The following KCNQ5 variants were observed in gnomAD, a reference collection of about 807,000 sequenced individuals.
KCNQ5 encodes potassium voltage-gated channel subfamily Q member 5.
A neutral mutation model predicts 98.2 loss-of-function variants in KCNQ5; 30 were observed. The observed-to-expected ratio is 0.31, with a 90% CI of 0.23 to 0.41. The LOEUF is 0.41. KCNQ5 is among the 10% of genes least tolerant of loss of function. KCNQ5 has a pLI of 1.00. For missense variants in KCNQ5, 835 were observed against 1,182.5 expected, an observed-to-expected ratio of 0.71 and a Z score of 4.31; for synonymous variants, 458 against 449.4, an observed-to-expected ratio of 1.02 and a Z score of -0.24.
intron 1 of KCNQ5, among the ~76,000 whole-genome samples, chr6:72,652,535 G>T (rs1284680795): frequency 6.6e-6 from 1 of 151,804 alleles, no homozygotes; most frequent in Non-Finnish European, 1.5e-5. Context: ...AATTGAGCAG[G>T]ATTGAACTGG....
chr6:73,166,276 A>C (rs962211502), intron 10 of KCNQ5, among the ~76,000 whole-genome samples: 16 of 151,896 alleles, frequency 1.1e-4, no homozygotes, highest in Non-Finnish European at 2.4e-4. Context: ...ACTAAAAAAA[A>C]TACAAAAAAA....
At chr6:72,840,100 T>A (rs1776725878) in intron 1 of KCNQ5, among the ~76,000 whole-genome samples, 1 of 152,240 alleles carries the variant, frequency 6.6e-6, no homozygotes, top group African/African-American at 2.4e-5. Context: ...TATCTTTTTT[T>A]AAGGCTGAGT....
intron 1 of KCNQ5, among the ~76,000 whole-genome samples, chr6:72,732,215 T>C (rs1770592050): frequency 6.6e-6 from 1 of 152,092 alleles, no homozygotes; most frequent in Non-Finnish European, 1.5e-5. Context: ...GAGATACTTC[T>C]AGTGTGGAGT....
In KCNQ5 at chr6:73,194,686, A is replaced by G; in HGVS notation, c.2071A>G (p.Ile691Val). The G allele has an allele frequency of 1.9e-6, 3 of 1,614,270 alleles. No individual in the cohort carries two copies. Among genetic ancestry groups the G allele is most frequent in the Non-Finnish European group, 2.5e-6 (3 of 1,180,044 alleles). ...SANISRGLQF[I>V]LTPNEFSAQT... ...CAACATCTCGAGAGGCCTGCAGTTC[A>G]TTCTGACGCCAAATGAGTTCAGTGC... Residue 691 changes from isoleucine to valine, a missense_variant, in exon 14 of 14, where the codon ATT (isoleucine) becomes GTT (valine). Physicochemically the swap from Ile to Val is conservative, Grantham distance 29 (BLOSUM62 3). Around this residue, in one of 10 missense-constraint regions of KCNQ5, gnomAD observed 416 missense variants for 446.9 expected, o/e 0.93. Coordinates refer to ENST00000370398, the MANE Select transcript of KCNQ5 (RefSeq NM_019842.4).
chr6:72,643,759 G>A (rs749193503), intron 1 of KCNQ5, among the ~76,000 whole-genome samples: 2 of 152,130 alleles, frequency 1.3e-5, no homozygotes, highest in Non-Finnish European at 2.9e-5. Context: ...GACAGCCACA[G>A]CTGTTATGTA....
At chr6:72,925,028 A>C (rs1780567530) in intron 1 of KCNQ5, among the ~76,000 whole-genome samples, 1 of 152,186 alleles carries the variant, frequency 6.6e-6, no homozygotes, top group Non-Finnish European at 1.5e-5. Flanking sequence ...AAGATTTATA[A>C]ATCATAAAAA....
At chr6:72,854,242 G>A (rs1777421859) in intron 1 of KCNQ5, among the ~76,000 whole-genome samples, 2 of 148,956 alleles carry the variant, frequency 1.3e-5, no homozygotes, top group Non-Finnish European at 3.0e-5. Flanking sequence ...TTAGAAAAGG[G>A]GGGAAATAGA....
chr6:72,948,573 T>C (rs1385173341), intron 1 of KCNQ5, among the ~76,000 whole-genome samples: 1 of 152,120 alleles, frequency 6.6e-6, no homozygotes, highest in Non-Finnish European at 1.5e-5. Context: ...AAAGTGGACA[T>C]TGATTTTATA....
chr6:72,648,504 A>G (rs994368582), intron 1 of KCNQ5, among the ~76,000 whole-genome samples: 1 of 152,144 alleles, frequency 6.6e-6, no homozygotes, highest in Admixed American at 6.6e-5. Flanking sequence ...ACATTTTTAT[A>G]GTGTGAGACG....
At chr6:72,660,674 A>G (rs897860446) in intron 1 of KCNQ5, among the ~76,000 whole-genome samples, 19 of 152,282 alleles carry the variant, frequency 1.2e-4, no homozygotes, top group Middle Eastern at 6.8e-3. Flanking sequence ...AAATTCTACT[A>G]TTGATGTCCT....
At chr6:72,823,953 A>G (rs1386227788) in intron 1 of KCNQ5, among the ~76,000 whole-genome samples, 1 of 152,180 alleles carries the variant, frequency 6.6e-6, no homozygotes, top group Admixed American at 6.6e-5. Context: ...CATAGTAAAC[A>G]CATATGTAAA....
intron 10 of KCNQ5, among the ~76,000 whole-genome samples, chr6:73,164,240 T>C (rs1383492943): frequency 6.6e-6 from 1 of 152,118 alleles, no homozygotes. Flanking sequence ...TTGGTGTACT[T>C]ATGAAGCAGA....
intron 1 of KCNQ5, among the ~76,000 whole-genome samples, chr6:72,713,501 T>C (rs1209059278): frequency 6.6e-6 from 1 of 152,196 alleles, no homozygotes; most frequent in Middle Eastern, 3.2e-3. Flanking sequence ...TCTTGGTTCA[T>C]AGAATGATTT....
intron 2 of KCNQ5, among the ~76,000 whole-genome samples, chr6:73,038,825 TTGTC>T (rs146648740): frequency 0.026 from 3,987 of 152,178 alleles, 87 homozygotes; most frequent in East Asian, 0.1. Context: ...TTTATTGTCT[TTGTC>T]TGGTTTTGGT....
Position 72,839,574 on chromosome 6 carries a change from G to C in KCNQ5, c.399-164334G>C, listed in dbSNP as rs139766110. 6.4e-3 allele frequency among the ~76,000 whole-genome samples: 971 copies of C among 152,226 alleles called. 14 individuals carry two copies. Among genetic ancestry groups the C allele is most frequent in the African/African-American group, 0.021 (864 of 41,520 alleles). On this transcript the variant is annotated intron_variant, in intron 1 of 13. Transcript: ENST00000370398. Reference sequence around the variant, plus strand: ...TTTTGCTTTAAAAGACAATTATCTTGGTTAGACTCAAACTGTGAACCATCT... The same window carrying C: ...TTTTGCTTTAAAAGACAATTATCTTCGTTAGACTCAAACTGTGAACCATCT...
intron 1 of KCNQ5, among the ~76,000 whole-genome samples, chr6:72,972,462 CT>C (rs901813539): frequency 2.0e-5 from 3 of 151,888 alleles, no homozygotes; most frequent in African/African-American, 7.2e-5. Context: ...TTTGCTGCAT[CT>C]ATTGACCCAT....
chr6:72,728,538 G>T (rs563438025), intron 1 of KCNQ5, among the ~76,000 whole-genome samples: 1 of 152,222 alleles, frequency 6.6e-6, no homozygotes, highest in East Asian at 1.9e-4. Context: ...TCAAAAAGGG[G>T]GACAATGAGA....
At chr6:72,966,133 C>T (rs1767598833) in intron 1 of KCNQ5, among the ~76,000 whole-genome samples, 1 of 152,132 alleles carries the variant, frequency 6.6e-6, no homozygotes, top group Non-Finnish European at 1.5e-5. Flanking sequence ...ATCCTGAGCC[C>T]AAGAAGAATT....
chr6:73,125,062 C>CTT lies in KCNQ5; in HGVS notation c.1247+558_1247+559dup, dbSNP rs11375968. Among the ~76,000 whole-genome samples the CTT allele has an allele frequency of 3.8e-4, 51 of 135,920 alleles. 2 individuals are homozygous for CTT. The highest frequency in any genetic ancestry group is 6.5e-4 in the East Asian group (3 of 4,648). 89.2% of individuals were successfully genotyped at this position (135,920 alleles called of 152,430 possible). On this transcript the variant is annotated intron_variant, in intron 9 of 13. Transcript: ENST00000370398. Reference sequence around the variant, plus strand: ...AGGTATATATACCTATACATATAATCTTTTTTTTTGGCAAGATGAAACCAC... The same window carrying CTT: ...AGGTATATATACCTATACATATAATCTTTTTTTTTTTGGCAAGATGAAACCAC...
Sources: gnomAD v4.1 joint callset for allele counts (sites outside exome capture counted in the v4.1 genomes callset) on GRCh38, gnomAD v4.1.1 for gene constraint, gnomAD v4.1.1 regional missense constraint, MANE v1.5 for transcripts, NCBI Gene and HGNC (gene_info 2026-07-23, HGNC 2026-07-21) for gene names.